ACOXL: variants seen among roughly 807,000 people sequenced by gnomAD.
ACOXL encodes acyl-CoA oxidase like.
In ACOXL, 70 loss-of-function variants were observed where a neutral mutation model predicts 71.9. The ratio of observed to expected loss-of-function variants is 0.97; its 90% CI spans 0.80 to 1.19. The LOEUF (loss-of-function observed/expected upper bound fraction) is 1.19, where lower values mean the gene tolerates loss of function less well. Ranked by LOEUF, ACOXL falls within the 50% of genes most tolerant of loss-of-function variation. The pLI, the probability that ACOXL is intolerant of heterozygous loss-of-function variation, is 0.00. For missense variants in ACOXL, 703 were observed against 736.3 expected, an observed-to-expected ratio of 0.95 and a Z score of 0.52; for synonymous variants, 253 against 281.6, an observed-to-expected ratio of 0.90 and a Z score of 1.02.
intron 12 of ACOXL, among the ~76,000 whole-genome samples, chr2:110,936,411 G>T (rs930838045): frequency 6.6e-6 from 1 of 152,018 alleles, no homozygotes; most frequent in East Asian, 1.9e-4. Flanking sequence ...GACTACAGGC[G>T]CATACCACTA....
chr2:110,738,634 T>A (rs1677155496), intron 1 of ACOXL, among the ~76,000 whole-genome samples: 1 of 152,204 alleles, frequency 6.6e-6, no homozygotes, highest in Admixed American at 6.5e-5. Context: ...GGAAGCTTCT[T>A]TTTGGCATTG....
intron 1 of ACOXL, chr2:110,732,979 T>C (rs114086993): frequency 0.043 from 6,582 of 152,728 alleles, 213 homozygotes; most frequent in African/African-American, 0.074. Context: ...CGCCGACCTC[T>C]TCGGCCCCCT....
chr2:110,746,924 G>T (rs192381700), intron 1 of ACOXL, among the ~76,000 whole-genome samples: 14 of 151,806 alleles, frequency 9.2e-5, no homozygotes, highest in African/African-American at 3.4e-4. Context: ...AGCCTGCCCA[G>T]CTACTTAGGT....
At chr2:110,955,232 T>C (rs1574268846) in intron 12 of ACOXL, among the ~76,000 whole-genome samples, 1 of 152,176 alleles carries the variant, frequency 6.6e-6, no homozygotes, top group African/African-American at 2.4e-5. Flanking sequence ...TAGGCTGATA[T>C]CAATATCTGC....
intron 1 of ACOXL, among the ~76,000 whole-genome samples, chr2:110,736,238 A>G (rs534276094): frequency 1.3e-5 from 2 of 152,230 alleles, no homozygotes; most frequent in East Asian, 3.8e-4. Flanking sequence ...CACACTATAT[A>G]AAATTGACCA....
intron 12 of ACOXL, among the ~76,000 whole-genome samples, chr2:110,976,909 T>G (rs1346073727): frequency 6.6e-6 from 1 of 152,124 alleles, no homozygotes; most frequent in Non-Finnish European, 1.5e-5. Flanking sequence ...GACATGAGAA[T>G]GTATTTGACC....
chr2:111,093,820 C>T (rs71431152), intron 17 of ACOXL: 22,241 of 291,822 alleles, frequency 0.076, 1,109 homozygotes, highest in Non-Finnish European at 0.1. Context: ...GCAGAGATTG[C>T]GCCACTGTAC....
At chr2:110,740,516 C>T (rs1677392955) in intron 1 of ACOXL, among the ~76,000 whole-genome samples, 1 of 152,226 alleles carries the variant, frequency 6.6e-6, no homozygotes, top group African/African-American at 2.4e-5. Context: ...CATTAACATA[C>T]ATAAATATCC....
chr2:110,905,104 G>C (rs528959200), intron 10 of ACOXL, among the ~76,000 whole-genome samples: 6 of 152,154 alleles, frequency 3.9e-5, no homozygotes, highest in Non-Finnish European at 7.4e-5. Flanking sequence ...GGAAAGGGAA[G>C]GTGCTGGGCC....
intron 12 of ACOXL, among the ~76,000 whole-genome samples, chr2:110,970,651 CAT>C (rs1243687061): frequency 1.3e-5 from 2 of 152,058 alleles, no homozygotes; most frequent in Non-Finnish European, 2.9e-5. Flanking sequence ...GAAATTAAAA[CAT>C]AGAGATTAGA....
intron 1 of ACOXL, 76 bp from the exon 2 acceptor site, chr2:110,768,292 C>A: frequency 1.7e-6 from 2 of 1,182,842 alleles, no homozygotes; most frequent in Admixed American, 1.8e-5. Context: ...TCTGTCTGAG[C>A]CCGGGGTCAA....
At chr2:110,867,338 G>T (rs796879790) in intron 10 of ACOXL, among the ~76,000 whole-genome samples, 3 of 152,288 alleles carry the variant, frequency 2.0e-5, no homozygotes, top group African/African-American at 7.2e-5. Flanking sequence ...GTGTGCTGGA[G>T]ACAAGAGGTT....
chr2:110,932,486 A>T (rs1334449700), intron 11 of ACOXL, among the ~76,000 whole-genome samples: 1 of 152,222 alleles, frequency 6.6e-6, no homozygotes, highest in Admixed American at 6.5e-5. Context: ...GAAGATCTGT[A>T]TCTATATTTT....
At chr2:110,777,334 G>C (rs2105089343) in intron 2 of ACOXL, among the ~76,000 whole-genome samples, 1 of 152,312 alleles carries the variant, frequency 6.6e-6, no homozygotes, top group African/African-American at 2.4e-5. Context: ...GTAGGGACAA[G>C]TGTAAGAGGG....
intron 9 of ACOXL, among the ~76,000 whole-genome samples, chr2:110,835,606 T>A (rs1445799896): frequency 6.6e-6 from 1 of 152,216 alleles, no homozygotes; most frequent in African/African-American, 2.4e-5. Flanking sequence ...GTGGTGATCA[T>A]CATGGTGCCT....
chr2:111,039,126 A>T (rs4849349), intron 15 of ACOXL, among the ~76,000 whole-genome samples: 130,682 of 152,214 alleles, frequency 0.86, 56,503 homozygotes, highest in African/African-American at 0.95. Flanking sequence ...GCTTTTTAGA[A>T]ACCAAAAGTG....
chr2:111,081,002 G>T (rs1371211917), intron 16 of ACOXL, among the ~76,000 whole-genome samples: 2 of 152,078 alleles, frequency 1.3e-5, no homozygotes, highest in Non-Finnish European at 2.9e-5. Flanking sequence ...AATAAACTAG[G>T]TATCGATGGA....
intron 10 of ACOXL, among the ~76,000 whole-genome samples, chr2:110,870,374 A>C (rs1347938854): frequency 6.6e-6 from 1 of 152,108 alleles, no homozygotes; most frequent in East Asian, 1.9e-4. Flanking sequence ...AAATCTTCTA[A>C]ATCTTAACTT....
At chr2:110,857,714 T>C (rs1359518091) in intron 10 of ACOXL, among the ~76,000 whole-genome samples, 3 of 152,100 alleles carry the variant, frequency 2.0e-5, no homozygotes, top group Non-Finnish European at 2.9e-5. Context: ...TAACATAGTT[T>C]TTGTTGATTA....
Sources: allele counts gnomAD v4.1 joint callset (sites outside exome capture counted in the v4.1 genomes callset), GRCh38; gene constraint gnomAD v4.1.1; transcripts MANE v1.5; gene names NCBI Gene and HGNC (gene_info 2026-07-23, HGNC 2026-07-21).